Variants in MYO1D observed in about 807,000 individuals in gnomAD.
MYO1D encodes myosin ID, also known as unconventional myosin-Id.
In MYO1D, 83 loss-of-function variants were observed where a neutral mutation model predicts 122.0. The observed-to-expected ratio is 0.68, with a 90% confidence interval of 0.57 to 0.82. The LOEUF is 0.82. Ranked by LOEUF, MYO1D falls within the 40% of genes least tolerant of loss-of-function variation. MYO1D has a pLI of 0.00. For missense variants in MYO1D, 1,157 were observed against 1,269.5 expected, an observed-to-expected ratio of 0.91 and a Z score of 1.35; for synonymous variants, 464 against 446.9, an observed-to-expected ratio of 1.04 and a Z score of -0.48.
At chr17:32,585,962 A>G in intron 21 of MYO1D, among the ~76,000 whole-genome samples, 1 of 152,172 alleles carries the variant, frequency 6.6e-6, no homozygotes, top group East Asian at 1.9e-4. Context: ...TTTGGTTTCA[A>G]ATATTGAAGA....
intron 21 of MYO1D, chr17:32,495,973 G>C (rs1225995254): frequency 3.3e-5 from 5 of 152,362 alleles, no homozygotes; most frequent in Admixed American, 2.6e-4. Flanking sequence ...GCTGCTCTTA[G>C]TGCTGGGCAG....
At chr17:32,737,966 CATG>C (rs2089726509) in intron 14 of MYO1D, among the ~76,000 whole-genome samples, 1 of 152,224 alleles carries the variant, frequency 6.6e-6, no homozygotes, top group Non-Finnish European at 1.5e-5. Flanking sequence ...TTTTGCTGGG[CATG>C]CTGTGCCTTA....
chr17:32,769,192 C>T (rs73281869), intron 6 of MYO1D, among the ~76,000 whole-genome samples: 7,441 of 151,794 alleles, frequency 0.049, 586 homozygotes, highest in African/African-American at 0.17. Flanking sequence ...GGGAGGTTTC[C>T]CTAGCTTATA....
At chr17:32,537,648 C>T (rs552126995) in intron 21 of MYO1D, among the ~76,000 whole-genome samples, 1 of 152,212 alleles carries the variant, frequency 6.6e-6, no homozygotes, top group African/African-American at 2.4e-5. Flanking sequence ...TATGAAATGA[C>T]CAGTTTGAAC....
At chr17:32,684,001 C>G (rs1340999542) in intron 16 of MYO1D, among the ~76,000 whole-genome samples, 1 of 152,218 alleles carries the variant, frequency 6.6e-6, no homozygotes, top group Admixed American at 6.5e-5. Flanking sequence ...GTGGGAGTGA[C>G]CCGATTTCCA....
At chr17:32,683,556 C>T (rs1250563789) in intron 16 of MYO1D, among the ~76,000 whole-genome samples, 1 of 151,988 alleles carries the variant, frequency 6.6e-6, no homozygotes, top group Non-Finnish European at 1.5e-5. Context: ...CCCAGTTAGG[C>T]TGCTCGGGGG....
chr17:32,676,410 T>TA (rs2088810238), intron 16 of MYO1D, among the ~76,000 whole-genome samples: 1 of 152,014 alleles, frequency 6.6e-6, no homozygotes, highest in African/African-American at 2.4e-5. Flanking sequence ...CTGTAAGGGC[T>TA]TTTTGTATAT....
At chr17:32,681,172 A>C (rs2150966951) in intron 16 of MYO1D, among the ~76,000 whole-genome samples, 1 of 151,904 alleles carries the variant, frequency 6.6e-6, no homozygotes, top group South Asian at 2.1e-4. Flanking sequence ...CTAGTGGTCT[A>C]TCAATTTTGT....
intron 19 of MYO1D, among the ~76,000 whole-genome samples, chr17:32,640,084 A>T (rs965928476): frequency 2.6e-5 from 4 of 152,182 alleles, no homozygotes; most frequent in Non-Finnish European, 5.9e-5. Context: ...ATAGTTTTAG[A>T]AATCAGTCAA....
At position 32,493,148 on chromosome 17, in the gene MYO1D, G is replaced by T. The variant is rs779959625; in HGVS notation, c.*1611C>A. 1.3e-5 allele frequency: 2 copies of T among 152,456 alleles called. No individual in the cohort carries two copies. The highest frequency in any genetic ancestry group is 6.5e-5 in the Admixed American group (1 of 15,292). 9.4% of individuals were successfully genotyped at this position (152,456 alleles called of 1,614,324 possible). ...CTACTGGTAATTGGCAAAACTATGA[G>T]TGTTGCTAATCTGGGCTGAGGGCAC... On this transcript the variant is annotated 3_prime_UTR_variant, in exon 22 of 22. Transcript: ENST00000318217.
chr17:32,781,780 T>G (rs573194969), intron 1 of MYO1D, among the ~76,000 whole-genome samples: 1 of 150,728 alleles, frequency 6.6e-6, no homozygotes, highest in East Asian at 1.9e-4. Flanking sequence ...ATGCTATGAC[T>G]GCAATTGTGC....
chr17:32,627,680 G>C (rs2150930820), intron 20 of MYO1D: 2 of 152,144 alleles, frequency 1.3e-5, no homozygotes, highest in Admixed American at 1.3e-4. Context: ...TAGTCATCAA[G>C]CCCATACTGA....
chr17:32,542,268 G>C (rs935459347), intron 21 of MYO1D, among the ~76,000 whole-genome samples: 4 of 152,194 alleles, frequency 2.6e-5, no homozygotes, highest in Non-Finnish European at 5.9e-5. Context: ...AAAAAGAAAA[G>C]AAAGCATTTT....
chr17:32,875,594 T>C (rs572341986), intron 1 of MYO1D, among the ~76,000 whole-genome samples: 4 of 152,178 alleles, frequency 2.6e-5, no homozygotes, highest in Non-Finnish European at 5.9e-5. Flanking sequence ...AGGTATATCA[T>C]TTTGATTAAT....
chr17:32,612,682 C>CAAAAAAAA (rs1262090966), intron 20 of MYO1D, among the ~76,000 whole-genome samples: 1 of 23,594 alleles, frequency 4.2e-5, no homozygotes, highest in African/African-American at 1.6e-4. Flanking sequence ...AGACCCATCT[C>CAAAAAAAA]AAAAAAAAAA....
chr17:32,771,069 C>T, intron 6 of MYO1D, 56 bp downstream of exon 6: 1 of 1,347,510 alleles, frequency 7.4e-7, no homozygotes, highest in Non-Finnish European at 1.1e-6. Flanking sequence ...TTGAATGTCT[C>T]TTCTAATCCT....
intron 21 of MYO1D, among the ~76,000 whole-genome samples, chr17:32,543,612 T>A (rs1477555651): frequency 6.6e-6 from 1 of 151,280 alleles, no homozygotes; most frequent in Non-Finnish European, 1.5e-5. Context: ...AAAATAAAAA[T>A]AAAAATAAAT....
intron 20 of MYO1D, among the ~76,000 whole-genome samples, chr17:32,623,891 T>C (rs116553165): frequency 0.028 from 4,334 of 152,140 alleles, 218 homozygotes; most frequent in African/African-American, 0.099. Context: ...GATAATCCCA[T>C]TATGAGGGTA....
At chr17:32,757,871 G>C (rs1023686007) in intron 10 of MYO1D, among the ~76,000 whole-genome samples, 1 of 152,058 alleles carries the variant, frequency 6.6e-6, no homozygotes, top group Non-Finnish European at 1.5e-5. Flanking sequence ...CTTGTGATGG[G>C]GTAGCTTAGG....
Sources: gnomAD v4.1 joint callset for allele counts (sites outside exome capture counted in the v4.1 genomes callset) on GRCh38, gnomAD v4.1.1 for gene constraint, MANE v1.5 for transcripts, NCBI Gene and HGNC (gene_info 2026-07-23, HGNC 2026-07-21) for gene names.